Variants in EIF4H observed in about 807,000 individuals in gnomAD.
EIF4H encodes the protein Williams-Beuren syndrome chromosome region 1.
A neutral mutation model predicts 30.6 loss-of-function variants in EIF4H; 8 were observed. The ratio of observed to expected loss-of-function variants is 0.26; its 90% CI spans 0.15 to 0.47. EIF4H has a LOEUF of 0.47. Ranked by LOEUF, EIF4H falls within the 20% of genes least tolerant of loss-of-function variation. The pLI is 0.99. For synonymous variants in EIF4H, 106 were observed against 122.7 expected, an observed-to-expected ratio of 0.86 and a Z score of 0.90; for missense variants, 188 against 339.5, an observed-to-expected ratio of 0.55 and a Z score of 3.51.
Position 74,189,804 on chromosome 7 carries a change from T to C in EIF4H, c.313-18T>C, listed in dbSNP as rs536753121. ...GTTTTCTTTGCCAATACTTACACTATTTTCCCTTTATCATTAGCTGTTGGG... is the reference window on the plus strand; with the variant it reads ...GTTTTCTTTGCCAATACTTACACTACTTTCCCTTTATCATTAGCTGTTGGG... On this transcript the variant is annotated intron_variant, in intron 3 of 6. Transcript: ENST00000265753. The C allele has an allele frequency of 2.2e-3, 3,592 of 1,614,118 alleles. 105 individuals carry two copies. In the South Asian group the frequency reaches 0.037, roughly 17 times the overall value.
rs1018825446 is a variant in EIF4H, at chr7:74,177,825, C to G, written c.59+3383C>G. Among the ~76,000 whole-genome samples the G allele has an allele frequency of 4.6e-5, 7 of 152,132 alleles. No individual in the cohort carries two copies. In the East Asian group the frequency reaches 1.3e-3, roughly 29 times the overall value. On this transcript the variant is annotated intron_variant, in intron 1 of 6. Coordinates refer to ENST00000265753, the MANE Select transcript of EIF4H (RefSeq NM_022170.2). ...TCTGCATGACGGTTCATGTAAAAGC[C>G]CTGGCTTTGGAATAAGGCAGACCAG...
At chr7:74,175,545 G>GT (rs1554707535) in intron 1 of EIF4H, among the ~76,000 whole-genome samples, 1 of 152,122 alleles carries the variant, frequency 6.6e-6, no homozygotes, top group Non-Finnish European at 1.5e-5. Flanking sequence ...TGTAGCTAAT[G>GT]TTCATGATAC....
At chr7:74,179,982 A>G (rs782541301) in intron 1 of EIF4H, among the ~76,000 whole-genome samples, 2 of 152,176 alleles carry the variant, frequency 1.3e-5, no homozygotes, top group South Asian at 2.1e-4. Context: ...TTGGGAGGCC[A>G]TGGCAGGAGG....
In EIF4H at chr7:74,194,806, C is replaced by A. The variant is rs202047154; in HGVS notation, c.535C>A (p.Pro179Thr). Residue 179 changes from proline to threonine, a missense_variant, in exon 6 of 7, where the codon CCC (proline) becomes ACC (threonine). Pro to Thr is a conservative substitution (Grantham distance 38). Around this residue, in one of 4 missense-constraint regions of EIF4H, gnomAD observed 76 missense variants for 85.8 expected, o/e 0.89. Transcript: ENST00000265753. ...SRPGDRRTGP[P>T]MGSRFRDGPP... ...CCCAGGCGACCGGCGAACAGGCCCC[C>A]CCATGGGCAGCCGCTTCAGAGATGG... 27 of 1,605,844 alleles carry A rather than the reference C, an allele frequency of 1.7e-5. No homozygotes were observed. In the South Asian group the frequency reaches 2.0e-4, roughly 12 times the overall value.
chr7:74,178,799 C>T (rs1584173205), intron 1 of EIF4H, among the ~76,000 whole-genome samples: 2 of 152,154 alleles, frequency 1.3e-5, no homozygotes, highest in South Asian at 4.1e-4. Context: ...CTAATGGCAG[C>T]TGTATGTACG....
At chr7:74,183,337 C>T (rs782694133) in intron 1 of EIF4H, among the ~76,000 whole-genome samples, 2 of 152,238 alleles carry the variant, frequency 1.3e-5, no homozygotes, top group African/African-American at 4.8e-5. Flanking sequence ...TGATCTGTTC[C>T]TGTTCTACAC....
Position 74,196,717 on chromosome 7 carries a change from C to T in EIF4H, c.*1409C>T, listed in dbSNP as rs1403606448. The T allele has an allele frequency of 5.3e-5, 8 of 151,290 alleles. No individual in the cohort carries two copies. The highest frequency in any genetic ancestry group is 4.2e-4 in the South Asian group (2 of 4,756). The allele number at this position is 151,290 out of a possible 1,614,324, so 9.4% of individuals were successfully genotyped here. A position where few individuals can be genotyped will look rare whatever the true frequency, so the allele number is the denominator to read the frequency against. On this transcript the variant is annotated 3_prime_UTR_variant, in exon 7 of 7. Coordinates refer to ENST00000265753, the MANE Select transcript of EIF4H (RefSeq NM_022170.2). ...ATGTGCTTAGTATTTGGTCACCAGC[C>T]GTCATCCTGGGCTTTTCCTACTGTG... is the stretch of plus-strand genomic sequence containing the variant.
intron 5 of EIF4H, among the ~76,000 whole-genome samples, chr7:74,193,182 C>G (rs782322185): frequency 1.9e-4 from 29 of 152,238 alleles, no homozygotes; most frequent in Admixed American, 3.3e-4. Context: ...GCACTTCACA[C>G]TGCACCTGGG....
intron 1 of EIF4H, among the ~76,000 whole-genome samples, chr7:74,177,073 A>G (rs1563946783): frequency 6.6e-6 from 1 of 152,204 alleles, no homozygotes; most frequent in African/African-American, 2.4e-5. Context: ...AAAACTGGCA[A>G]AACTCCAAAT....
intron 5 of EIF4H, among the ~76,000 whole-genome samples, chr7:74,190,585 A>G (rs1226045360): frequency 3.3e-5 from 5 of 152,028 alleles, no homozygotes; most frequent in Admixed American, 2.6e-4. Flanking sequence ...TCTTTCTCAG[A>G]CTCTAGCCCA....
At chr7:74,179,521 A>C (rs1414969584) in intron 1 of EIF4H, among the ~76,000 whole-genome samples, 2 of 151,498 alleles carry the variant, frequency 1.3e-5, no homozygotes, top group Non-Finnish European at 2.9e-5. Flanking sequence ...AGTCCCAGCT[A>C]CTTGGGAGGC....
At chr7:74,185,064 C>G (rs543321195) in intron 1 of EIF4H, among the ~76,000 whole-genome samples, 4 of 152,174 alleles carry the variant, frequency 2.6e-5, no homozygotes, top group African/African-American at 7.2e-5. Context: ...CATCACAGTT[C>G]ACTGCAGCAA....
At chr7:74,182,221 C>T (rs781949571) in intron 1 of EIF4H, among the ~76,000 whole-genome samples, 1 of 152,126 alleles carries the variant, frequency 6.6e-6, no homozygotes, top group African/African-American at 2.4e-5. Flanking sequence ...ATATAGTGAC[C>T]TGTATACCCA....
At chr7:74,186,194 A>C (rs1280633235) in intron 1 of EIF4H, among the ~76,000 whole-genome samples, 1 of 151,672 alleles carries the variant, frequency 6.6e-6, no homozygotes, top group African/African-American at 2.4e-5. Flanking sequence ...ATATCGTTTA[A>C]TATAATAATC....
chr7:74,179,096 A>G (rs1381514587), intron 1 of EIF4H, among the ~76,000 whole-genome samples: 1 of 152,180 alleles, frequency 6.6e-6, no homozygotes, highest in Non-Finnish European at 1.5e-5. Flanking sequence ...TTAATAGAAC[A>G]CAGCTGGATT....
At chr7:74,177,013 G>A (rs782781082) in intron 1 of EIF4H, among the ~76,000 whole-genome samples, 2 of 152,210 alleles carry the variant, frequency 1.3e-5, no homozygotes, top group African/African-American at 2.4e-5. Flanking sequence ...GAGAATTAGG[G>A]TGGAAATTGG....
chr7:74,174,403 A>G lies in EIF4H; in HGVS notation c.20A>G (p.Tyr7Cys), dbSNP rs782359291. The change falls in exon 1 of 7, where the codon TAC (tyrosine) becomes TGC (cysteine). Residue 7 changes from tyrosine to cysteine, a missense_variant. Physicochemically the swap from Tyr to Cys is radical, Grantham distance 194. Transcript: ENST00000265753. The part of the protein sequence containing the change: MADFDT[Y>C]DDRAYSSFGG... The stretch of plus-strand genomic sequence containing the variant: ...CGGCAAATGGCGGACTTCGACACCT[A>G]CGACGATCGGGCCTACAGCAGCTTC... The G allele has an allele frequency of 1.4e-6, 2 of 1,460,616 alleles. No individual in the cohort carries two copies. Among genetic ancestry groups the G allele is most frequent in the Admixed American group, 4.1e-5 (2 of 48,698 alleles). 90.5% of individuals were successfully genotyped at this position (1,460,616 alleles called of 1,614,324 possible).
chr7:74,194,378 C>G (rs959081915), intron 5 of EIF4H, among the ~76,000 whole-genome samples: 4 of 152,192 alleles, frequency 2.6e-5, no homozygotes, highest in African/African-American at 9.7e-5. Context: ...GTATAGATTT[C>G]TATTAGAAAA....
intron 5 of EIF4H, among the ~76,000 whole-genome samples, chr7:74,193,635 CAG>C (rs112231325): frequency 0.022 from 3,268 of 150,312 alleles, 110 homozygotes; most frequent in African/African-American, 0.074. Context: ...TTCCTTGAGA[CAG>C]AGTCTCACTT....
Sources: gnomAD v4.1 joint callset for allele counts (sites outside exome capture counted in the v4.1 genomes callset) on GRCh38, gnomAD v4.1.1 for gene constraint, gnomAD v4.1.1 regional missense constraint, MANE v1.5 for transcripts, NCBI Gene and HGNC (gene_info 2026-07-23, HGNC 2026-07-21) for gene names.